PCBP2: variants seen among roughly 807,000 people sequenced by gnomAD.
PCBP2 encodes poly(rC)-binding protein 2.
Under a neutral mutation model 50.1 loss-of-function variants are expected in PCBP2, and 4 were observed. That is an observed-to-expected ratio of 0.08 (90% confidence interval 0.04 to 0.18). PCBP2 has a LOEUF of 0.18. Among genes scored for constraint, PCBP2 ranks in the 10% least tolerant of loss-of-function variants. PCBP2 has a pLI of 1.00. For missense variants in PCBP2, 161 were observed against 474.3 expected (o/e 0.34, Z 6.14); for synonymous variants, 179 against 168.0 (o/e 1.07, Z -0.51).
At chr12:53,464,272 A>G (rs1262461977) in intron 8 of PCBP2, among the ~76,000 whole-genome samples, 1 of 149,392 alleles carries the variant, frequency 6.7e-6, no homozygotes, top group Admixed American at 6.7e-5. Context: ...TCCACTCCCC[A>G]TCACACCTCC....
intron 14 of PCBP2, chr12:53,475,481 CT>C: frequency 3.8e-6 from 1 of 266,084 alleles, no homozygotes; most frequent in Non-Finnish European, 7.4e-6. Flanking sequence ...TTCTTTGTAG[CT>C]TTATTCTGCC....
intron 12 of PCBP2, 150 bp from the exon 13 acceptor site, chr12:53,468,627 T>C (rs1941983066): frequency 3.0e-6 from 2 of 664,176 alleles, no homozygotes. Context: ...CCCCCACTCT[T>C]TCCTCTTTGG....
chr12:53,478,703 G>T (rs912281927), intron 14 of PCBP2, among the ~76,000 whole-genome samples: 8 of 152,138 alleles, frequency 5.3e-5, no homozygotes, highest in Non-Finnish European at 1.2e-4. Flanking sequence ...ATCAGGTGGA[G>T]GCTGAGGCAA....
Position 53,479,509 on chromosome 12 carries a change from T to C in PCBP2, c.*67T>C. 2 of 1,391,300 alleles carry C rather than the reference T, an allele frequency of 1.4e-6. No individual in the cohort carries two copies. Among genetic ancestry groups the C allele is most frequent in the Non-Finnish European group, 2.0e-6 (2 of 980,632 alleles). The allele number at this position is 1,391,300 out of a possible 1,614,324, so 86.2% of individuals were successfully genotyped here. A position where few individuals can be genotyped will look rare whatever the true frequency, so the allele number is the denominator to read the frequency against. On this transcript the variant is annotated 3_prime_UTR_variant, in exon 15 of 15. Coordinates refer to ENST00000546463, the MANE Select transcript of PCBP2 (RefSeq NM_031989.5). ...ACCACCCATGATCCATCTGTGTAGT[T>C]TCTGAACAGTCAGCGATTCCAGGTT...
chr12:53,463,291 A>G (rs1941580746), intron 8 of PCBP2, among the ~76,000 whole-genome samples: 1 of 152,176 alleles, frequency 6.6e-6, no homozygotes, highest in Non-Finnish European at 1.5e-5. Flanking sequence ...TTAGATTATT[A>G]TGACAGAAGC....
At chr12:53,479,091 A>C (rs1033540838) in intron 14 of PCBP2, among the ~76,000 whole-genome samples, 1 of 152,044 alleles carries the variant, frequency 6.6e-6, no homozygotes, top group Admixed American at 6.6e-5. Context: ...TATTGTGAGC[A>C]CTCTTTAGAG....
intron 13 of PCBP2, 133 bp downstream of exon 13, chr12:53,468,965 C>T (rs949099308): frequency 1.4e-5 from 9 of 637,826 alleles, no homozygotes; most frequent in African/African-American, 2.0e-5. Context: ...TGCAGTGGTG[C>T]GATCTTGGCT....
chr12:53,456,993 G>C (rs892255550), intron 5 of PCBP2, among the ~76,000 whole-genome samples: 3 of 152,040 alleles, frequency 2.0e-5, no homozygotes, highest in African/African-American at 7.2e-5. Flanking sequence ...TAGAAAACAC[G>C]TTTTATTCTT....
rs558230203 is a variant in PCBP2, at chr12:53,454,459, T to C, written c.-75-267T>C. 60 of 246,586 alleles carry C rather than the reference T, an allele frequency of 2.4e-4. No homozygotes were observed. The Middle Eastern group carries it at 5.9e-3, about 24-fold the overall frequency. The allele number at this position is 246,586 out of a possible 1,614,324, so 15.3% of individuals were successfully genotyped here. On this transcript the variant is annotated intron_variant, in intron 1 of 14. Transcript: ENST00000546463. The stretch of plus-strand genomic sequence containing the variant: ...ACGTTCAGCAGTTTCCTTAGAACCA[T>C]TGCCAATTGAAAGAACCTTGTTCAT...
intron 1 of PCBP2, chr12:53,454,299 A>G (rs1265012387): frequency 2.6e-5 from 4 of 154,408 alleles, no homozygotes; most frequent in African/African-American, 9.6e-5. Context: ...TGTTCTCTCT[A>G]GTTTTCAACT....
intron 11 of PCBP2, 115 bp downstream of exon 11, chr12:53,467,408 T>C (rs774385241): frequency 1.1e-6 from 1 of 900,072 alleles, no homozygotes; most frequent in South Asian, 1.3e-5. Flanking sequence ...ATCCTGCTGG[T>C]TTAAACTTGC....
intron 13 of PCBP2, among the ~76,000 whole-genome samples, chr12:53,470,568 C>A (rs943452266): frequency 2.0e-5 from 3 of 151,502 alleles, no homozygotes; most frequent in African/African-American, 7.3e-5. Context: ...CTATCCCTGG[C>A]TAACTTTTTT....
rs747855583 is a variant in PCBP2, at chr12:53,468,803, ACTT to A, written c.856_858del (p.Ser286del). On this transcript the variant is annotated inframe_deletion, in exon 13 of 15. Transcript: ENST00000546463. ...AGGTTTGGATGCATCTGCTCAGACT[ACTT>A]CTCATGAACTCACCATTCCAAACGA... 9 of 1,613,560 alleles carry A rather than the reference ACTT, an allele frequency of 5.6e-6. No individual in the cohort carries two copies. The highest frequency in any genetic ancestry group is 5.1e-6 in the Non-Finnish European group (6 of 1,179,650).
chr12:53,454,273 A>G (rs568737045), intron 1 of PCBP2: 1 of 153,212 alleles, frequency 6.5e-6, no homozygotes, highest in East Asian at 1.9e-4. Flanking sequence ...TTGCTACTAC[A>G]AAGAAAATTT....
chr12:53,456,284 C>T (rs1281906756), intron 5 of PCBP2, among the ~76,000 whole-genome samples: 1 of 151,940 alleles, frequency 6.6e-6, no homozygotes, highest in Non-Finnish European at 1.5e-5. Flanking sequence ...ATAGTGAAAC[C>T]TCGTCTCTAC....
At chr12:53,470,755 A>AG (rs1409537852) in intron 13 of PCBP2, among the ~76,000 whole-genome samples, 2 of 101,020 alleles carry the variant, frequency 2.0e-5, no homozygotes, top group African/African-American at 3.3e-5. Flanking sequence ...AATGTTAACC[A>AG]GTTTTTTTTT....
chr12:53,464,969 C>A, intron 9 of PCBP2, 117 bp downstream of exon 9: 1 of 1,321,056 alleles, frequency 7.6e-7, no homozygotes, highest in Non-Finnish European at 9.8e-7. Context: ...CACCACCTGT[C>A]CACGGGGACC....
intron 6 of PCBP2, chr12:53,459,728 C>A: frequency 3.6e-6 from 1 of 278,564 alleles, no homozygotes; most frequent in Non-Finnish European, 7.3e-6. Flanking sequence ...GCTATAGTAG[C>A]AACGGTTTTT....
At chr12:53,454,088 T>C (rs1027605666) in intron 1 of PCBP2, among the ~76,000 whole-genome samples, 6 of 152,182 alleles carry the variant, frequency 3.9e-5, no homozygotes, top group African/African-American at 1.4e-4. Flanking sequence ...GTGTACTTAA[T>C]GTATCGAGTC....
Sources: allele counts gnomAD v4.1 joint callset (sites outside exome capture counted in the v4.1 genomes callset), GRCh38; gene constraint gnomAD v4.1.1; transcripts MANE v1.5; gene names NCBI Gene and HGNC (gene_info 2026-07-23, HGNC 2026-07-21).